PDE3A: variants seen among roughly 807,000 people sequenced by gnomAD.
PDE3A encodes the protein cGMP-inhibited 3',5'-cyclic phosphodiesterase 3A.
PDE3A carries 43 observed loss-of-function variants against 98.3 expected under a neutral mutation model. That is an observed-to-expected ratio of 0.44 (90% CI 0.34 to 0.56). The LOEUF (loss-of-function observed/expected upper bound fraction) is 0.56. Among genes scored for constraint, PDE3A ranks in the 20% least tolerant of loss-of-function variants. The pLI, the probability that PDE3A is intolerant of heterozygous loss-of-function variation, is 0.01. For missense variants in PDE3A, 1,427 were observed against 1,440.7 expected (o/e 0.99, Z 0.15); for synonymous variants, 663 against 567.9 (o/e 1.17, Z -2.38).
chr12:20,673,896 A>C (rs1047613063), intron 15 of PDE3A, among the ~76,000 whole-genome samples: 5 of 152,100 alleles, frequency 3.3e-5, no homozygotes, highest in African/African-American at 1.2e-4. Context: ...ATTGCACTGA[A>C]TCCATACATT....
intron 1 of PDE3A, among the ~76,000 whole-genome samples, chr12:20,427,695 A>AT (rs1371908692): frequency 1.3e-5 from 2 of 152,166 alleles, no homozygotes; most frequent in African/African-American, 4.8e-5. Context: ...CATTTAATAC[A>AT]TTAATACATT....
At chr12:20,613,062 TTAA>T (rs1316821420) in intron 2 of PDE3A, among the ~76,000 whole-genome samples, 2 of 152,188 alleles carry the variant, frequency 1.3e-5, no homozygotes, top group African/African-American at 2.4e-5. Context: ...TTATGGTATA[TTAA>T]TGTTACTTTT....
At chr12:20,456,083 G>A (rs1473991707) in intron 1 of PDE3A, among the ~76,000 whole-genome samples, 1 of 152,038 alleles carries the variant, frequency 6.6e-6, no homozygotes, top group African/African-American at 2.4e-5. Flanking sequence ...TTATATCCAG[G>A]ACGTCGCGAC....
Position 20,629,900 on chromosome 12 carries a change from T to C in PDE3A, c.1541-8T>C, listed in dbSNP as rs775832781. 5.6e-6 allele frequency: 9 copies of C among 1,606,616 alleles called. 1 individual carries two copies. The South Asian group carries it at 8.8e-5, about 16-fold the overall frequency. ...TTGTTTAGTTACTTAACTCTCATTC[T>C]TTCTCAGGTGCCCTCGCTAAAATTT... On this transcript the variant is annotated splice_polypyrimidine_tract_variant and splice_region_variant and intron_variant, in intron 5 of 15. Transcript: ENST00000359062.
At chr12:20,634,116 TA>T (rs1944446861) in intron 7 of PDE3A, among the ~76,000 whole-genome samples, 1 of 152,214 alleles carries the variant, frequency 6.6e-6, no homozygotes, top group African/African-American at 2.4e-5. Context: ...CAAAATTTTT[TA>T]ATACATTTAT....
At chr12:20,599,899 G>A (rs531916996) in intron 2 of PDE3A, among the ~76,000 whole-genome samples, 1 of 152,256 alleles carries the variant, frequency 6.6e-6, no homozygotes, top group South Asian at 2.1e-4. Flanking sequence ...ACTGTAGTCT[G>A]TAGAGTTGCC....
chr12:20,458,800 G>C (rs1284948028), intron 1 of PDE3A, among the ~76,000 whole-genome samples: 1 of 152,098 alleles, frequency 6.6e-6, no homozygotes, highest in Non-Finnish European at 1.5e-5. Context: ...ACAGACATTA[G>C]GATACTGTCC....
At position 20,510,236 on chromosome 12, in the gene PDE3A, G is replaced by A. The variant is rs920290669; in HGVS notation, c.961-46424G>A. 3.9e-4 allele frequency among the ~76,000 whole-genome samples: 59 copies of A among 152,076 alleles called. 1 individual carries two copies. The highest frequency in any genetic ancestry group is 1.4e-3 in the African/African-American group (57 of 41,526). The stretch of plus-strand genomic sequence containing the variant: ...TACAAATGGTAGTTGCATATAATAA[G>A]CAAACTGTGAGTTTTTTTCTAAATT... On this transcript the variant is annotated intron_variant, in intron 1 of 15. Transcript: ENST00000359062.
intron 9 of PDE3A, 102 bp downstream of exon 9, chr12:20,637,339 T>G (rs1458881473): frequency 8.9e-6 from 7 of 787,136 alleles, no homozygotes; most frequent in Non-Finnish European, 9.6e-6. Flanking sequence ...AGGTGTTATG[T>G]GGAGAAAGGA....
intron 1 of PDE3A, among the ~76,000 whole-genome samples, chr12:20,525,422 T>G (rs1483678260): frequency 6.7e-6 from 1 of 149,240 alleles, no homozygotes; most frequent in African/African-American, 2.5e-5. Context: ...ATAATGTTGT[T>G]GTTCCTTTTT....
chr12:20,670,539 G>T (rs534743404), intron 15 of PDE3A, among the ~76,000 whole-genome samples: 3 of 152,284 alleles, frequency 2.0e-5, no homozygotes, highest in East Asian at 1.9e-4. Context: ...TCAGGATTAA[G>T]AATCTCACTC....
chr12:20,472,395 C>T (rs940219534), intron 1 of PDE3A, among the ~76,000 whole-genome samples: 18 of 152,198 alleles, frequency 1.2e-4, no homozygotes, highest in African/African-American at 4.1e-4. Flanking sequence ...ATTCCTACAA[C>T]ATCGGCTCCT....
intron 6 of PDE3A, among the ~76,000 whole-genome samples, chr12:20,631,827 G>A (rs1002870126): frequency 1.3e-5 from 2 of 151,624 alleles, no homozygotes; most frequent in Non-Finnish European, 2.9e-5. Flanking sequence ...AGTAGTGTGT[G>A]TTTTATTTGT....
At chr12:20,633,998 C>T (rs1484804081) in intron 7 of PDE3A, among the ~76,000 whole-genome samples, 1 of 151,904 alleles carries the variant, frequency 6.6e-6, no homozygotes, top group East Asian at 1.9e-4. Context: ...CTGTGCCCAG[C>T]CTGATTTTTT....
intron 2 of PDE3A, among the ~76,000 whole-genome samples, chr12:20,604,832 A>G (rs758883670): frequency 2.0e-5 from 3 of 152,206 alleles, no homozygotes; most frequent in Admixed American, 6.5e-5. Flanking sequence ...CACTGAAGTG[A>G]CTGGAGTTTC....
At chr12:20,604,888 T>A (rs915975085) in intron 2 of PDE3A, among the ~76,000 whole-genome samples, 14 of 152,288 alleles carry the variant, frequency 9.2e-5, no homozygotes, top group African/African-American at 3.4e-4. Context: ...CATATTTCAT[T>A]GTACATGCTT....
At chr12:20,420,771 G>A (rs1417484152) in intron 1 of PDE3A, among the ~76,000 whole-genome samples, 1 of 152,130 alleles carries the variant, frequency 6.6e-6, no homozygotes, top group Non-Finnish European at 1.5e-5. Context: ...GAAAATACAA[G>A]CTTCTAGTCA....
chr12:20,648,684 C>G lies in PDE3A; in HGVS notation c.2566-4C>G, dbSNP rs980939452. ...TTGAACTCTTAACTGTCTTATTTGC[C>G]TAGGCGGTGCTATATAACGATCGTT... is the stretch of plus-strand genomic sequence containing the variant. On this transcript the variant is annotated splice_polypyrimidine_tract_variant and splice_region_variant and intron_variant, in intron 12 of 15. Transcript: ENST00000359062. The G allele has an allele frequency of 1.3e-6, 2 of 1,587,518 alleles. No homozygotes were observed. Among genetic ancestry groups the G allele is most frequent in the African/African-American group, 1.3e-5 (1 of 74,326 alleles).
intron 1 of PDE3A, among the ~76,000 whole-genome samples, chr12:20,445,506 A>G (rs757225661): frequency 3.9e-5 from 6 of 152,226 alleles, no homozygotes; most frequent in Non-Finnish European, 8.8e-5. Flanking sequence ...ATGTAAATAC[A>G]TATGCACATA....
Sources: gnomAD v4.1 joint callset for allele counts (sites outside exome capture counted in the v4.1 genomes callset) on GRCh38, gnomAD v4.1.1 for gene constraint, MANE v1.5 for transcripts, NCBI Gene and HGNC (gene_info 2026-07-23, HGNC 2026-07-21) for gene names.